CTNNA2: variants seen among roughly 807,000 people sequenced by gnomAD.
CTNNA2 encodes the protein catenin alpha-2.
A neutral mutation model predicts 101.0 loss-of-function variants in CTNNA2; 42 were observed. That is an observed-to-expected ratio of 0.42 (90% CI 0.32 to 0.54). CTNNA2 has a LOEUF of 0.54. Among genes scored for constraint, CTNNA2 ranks in the 20% least tolerant of loss-of-function variants. The pLI, the probability that CTNNA2 is intolerant of heterozygous loss-of-function variation, is 0.14. For missense variants in CTNNA2, 871 were observed against 1,223.1 expected (o/e 0.71, Z 4.29); for synonymous variants, 450 against 456.4 (o/e 0.99, Z 0.18).
At chr2:79,909,983 G>T (rs1032945688) in intron 7 of CTNNA2, among the ~76,000 whole-genome samples, 186 bp downstream of exon 7, 1 of 152,094 alleles carries the variant, frequency 6.6e-6, no homozygotes, top group African/African-American at 2.4e-5. Context: ...TCCATTTTTT[G>T]TTTGTTTGTT....
intron 3 of CTNNA2, among the ~76,000 whole-genome samples, chr2:79,850,891 T>C (rs1209556896): frequency 6.6e-6 from 1 of 152,136 alleles, no homozygotes; most frequent in African/African-American, 2.4e-5. Flanking sequence ...TGCTAAAATA[T>C]TAAGTCCAGA....
At chr2:79,716,808 A>G (rs1010108840) in intron 2 of CTNNA2, among the ~76,000 whole-genome samples, 2 of 152,166 alleles carry the variant, frequency 1.3e-5, no homozygotes, top group African/African-American at 4.8e-5. Flanking sequence ...GGAGGTACCA[A>G]TTGACTGCAG....
chr2:79,459,361 A>G (rs1385399849), intron 4 of CTNNA2, among the ~76,000 whole-genome samples: 2 of 152,126 alleles, frequency 1.3e-5, no homozygotes, highest in East Asian at 3.9e-4. Context: ...ATAGTTTCAA[A>G]TAGAGGAATA....
intron 1 of CTNNA2, among the ~76,000 whole-genome samples, chr2:79,601,339 T>C (rs917203767): frequency 3.9e-5 from 6 of 152,206 alleles, no homozygotes; most frequent in Non-Finnish European, 7.3e-5. Context: ...GTTAAGATCA[T>C]GTGACCTCAA....
At position 79,719,738 on chromosome 2, in the gene CTNNA2, C is replaced by T. The variant is rs567081094; in HGVS notation, c.103-24649C>T. On this transcript the variant is annotated intron_variant, in intron 2 of 18. Coordinates refer to ENST00000402739, the MANE Select transcript of CTNNA2 (RefSeq NM_001282597.3). Reference sequence around the variant, plus strand: ...TTCATGTCCTTTGCCCGTTTTAATGCGGTTATTTGTGCTTTGCTTGTTGGT... The same window carrying T: ...TTCATGTCCTTTGCCCGTTTTAATGTGGTTATTTGTGCTTTGCTTGTTGGT... 1.4e-4 allele frequency among the ~76,000 whole-genome samples: 22 copies of T among 151,776 alleles called. 1 individual carries two copies. In the South Asian group the frequency reaches 4.2e-3, roughly 29 times the overall value.
chr2:79,890,469 C>G (rs1684222154), intron 6 of CTNNA2, among the ~76,000 whole-genome samples: 1 of 152,092 alleles, frequency 6.6e-6, no homozygotes, highest in Non-Finnish European at 1.5e-5. Flanking sequence ...AGGTTTAGTA[C>G]TTTCCTCACT....
intron 3 of CTNNA2, among the ~76,000 whole-genome samples, chr2:79,829,543 C>G (rs1241145296): frequency 6.6e-6 from 1 of 151,220 alleles, no homozygotes; most frequent in African/African-American, 2.4e-5. Flanking sequence ...GCACTCCAGG[C>G]TGGGTGACAG....
chr2:80,642,174 A>G (rs1003171423), intron 18 of CTNNA2, among the ~76,000 whole-genome samples: 5 of 152,126 alleles, frequency 3.3e-5, no homozygotes, highest in African/African-American at 1.2e-4. Flanking sequence ...CTAGTTAGGT[A>G]TTTGAGAATT....
At chr2:80,628,844 T>C (rs757447354) in intron 18 of CTNNA2, among the ~76,000 whole-genome samples, 5 of 152,044 alleles carry the variant, frequency 3.3e-5, no homozygotes, top group Non-Finnish European at 7.4e-5. Context: ...ATGAGGAATC[T>C]GAAAAGCACT....
At chr2:79,452,887 G>A (rs1277002354) in intron 4 of CTNNA2, among the ~76,000 whole-genome samples, 1 of 152,028 alleles carries the variant, frequency 6.6e-6, no homozygotes, top group African/African-American at 2.4e-5. Context: ...GGGATGAGAC[G>A]AAGAAGTAAT....
At chr2:79,553,957 A>C (rs1471988046) in intron 1 of CTNNA2, among the ~76,000 whole-genome samples, 6 of 152,186 alleles carry the variant, frequency 3.9e-5, no homozygotes, top group Non-Finnish European at 7.3e-5. Context: ...GCAGTTTTGC[A>C]ACTCAGTTCT....
chr2:79,840,418 A>T (rs1461728189), intron 3 of CTNNA2, among the ~76,000 whole-genome samples: 1 of 152,194 alleles, frequency 6.6e-6, no homozygotes, highest in Admixed American at 6.5e-5. Context: ...CATTATTTCA[A>T]TCATGCTAAT....
In CTNNA2 at chr2:79,724,876, A is replaced by T. The variant is rs1305723164; in HGVS notation, c.103-19511A>T. Among the ~76,000 whole-genome samples the T allele has an allele frequency of 3.3e-5, 5 of 150,368 alleles. No homozygotes were observed. In the East Asian group the frequency reaches 9.8e-4, roughly 29 times the overall value. ...AAATAATGAGTGAGTTATGACTTAG[A>T]GGCTTGTCTGCAGCACATCAGCACG... On this transcript the variant is annotated intron_variant, in intron 2 of 18. Coordinates refer to ENST00000402739, the MANE Select transcript of CTNNA2 (RefSeq NM_001282597.3).
intron 8 of CTNNA2, among the ~76,000 whole-genome samples, chr2:80,407,789 T>A (rs534694743): frequency 6.6e-6 from 1 of 152,280 alleles, no homozygotes; most frequent in East Asian, 1.9e-4. Context: ...TGAAATGAAG[T>A]ACCTCTAGGG....
intron 3 of CTNNA2, among the ~76,000 whole-genome samples, chr2:79,768,877 C>G (rs773749896): frequency 1.3e-5 from 2 of 152,070 alleles, no homozygotes; most frequent in African/African-American, 2.4e-5. Flanking sequence ...TTTTTTGAGA[C>G]TGAGTCTCAC....
intron 15 of CTNNA2, among the ~76,000 whole-genome samples, chr2:80,589,782 A>G (rs1169226024): frequency 1.3e-5 from 2 of 151,456 alleles, no homozygotes; most frequent in East Asian, 1.9e-4. Flanking sequence ...GGTCTGTGCT[A>G]TTTTGCAATA....
chr2:79,906,673 A>G (rs188494770), intron 6 of CTNNA2, among the ~76,000 whole-genome samples: 150 of 152,350 alleles, frequency 9.8e-4, no homozygotes, highest in East Asian at 4.6e-3. Context: ...CATGGCAGGT[A>G]GGAAACTCAA....
At chr2:80,510,199 C>T (rs923948548) in intron 9 of CTNNA2, among the ~76,000 whole-genome samples, 2 of 152,234 alleles carry the variant, frequency 1.3e-5, no homozygotes, top group East Asian at 1.9e-4. Flanking sequence ...TCTGCCTAGT[C>T]GCTCATTGAT....
chr2:79,982,180 A>T (rs1206131795), intron 7 of CTNNA2, among the ~76,000 whole-genome samples: 2 of 120,520 alleles, frequency 1.7e-5, no homozygotes, highest in African/African-American at 6.2e-5. Context: ...CTGAGACCAC[A>T]GGCATGTGCC....
Sources: allele counts gnomAD v4.1 joint callset (sites outside exome capture counted in the v4.1 genomes callset), GRCh38; gene constraint gnomAD v4.1.1; transcripts MANE v1.5; gene names NCBI Gene and HGNC (gene_info 2026-07-23, HGNC 2026-07-21).